MEGF9: variants seen among roughly 807,000 people sequenced by gnomAD.
The protein encoded by MEGF9 is multiple epidermal growth factor-like domains protein 9.
MEGF9 carries 6 observed loss-of-function variants against 46.8 expected under a neutral mutation model. The ratio of observed to expected loss-of-function variants is 0.13; its 90% CI spans 0.07 to 0.25. The LOEUF (loss-of-function observed/expected upper bound fraction) is 0.25, where lower values mean the gene tolerates loss of function less well. Among genes scored for constraint, MEGF9 ranks in the 10% least tolerant of loss-of-function variants. MEGF9 has a pLI of 1.00. For missense variants in MEGF9, 683 were observed against 792.4 expected (o/e 0.86, Z 1.66); for synonymous variants, 302 against 330.7 (o/e 0.91, Z 0.94).
At chr9:120,630,504 C>A (rs2043545877) in intron 2 of MEGF9, among the ~76,000 whole-genome samples, 2 of 152,196 alleles carry the variant, frequency 1.3e-5, no homozygotes, top group Non-Finnish European at 2.9e-5. Flanking sequence ...ATACTAACTT[C>A]CTTTCCTATA....
Position 120,605,693 on chromosome 9 carries a change from G to A in MEGF9, c.1358-52C>T. 1 of 1,336,188 alleles carries A rather than the reference G, an allele frequency of 7.5e-7. No individual in the cohort carries two copies. The highest frequency in any genetic ancestry group is 2.5e-5 in the East Asian group (1 of 39,790). 82.8% of individuals were successfully genotyped at this position (1,336,188 alleles called of 1,614,324 possible). On this transcript the variant is annotated intron_variant, in intron 5 of 5. Coordinates refer to ENST00000373930, the MANE Select transcript of MEGF9 (RefSeq NM_001080497.3). The surrounding 1 kb of genome is among the most constrained non-coding windows in gnomAD (Gnocchi z 4.0). ...GTAAAAGACAAAATTATCTAGTTTT[G>A]AGAAACAATAAAAGAAATACGCATG...
intron 1 of MEGF9, among the ~76,000 whole-genome samples, chr9:120,703,211 T>C (rs957235894): frequency 6.6e-6 from 1 of 152,238 alleles, no homozygotes; most frequent in African/African-American, 2.4e-5. Context: ...AAGAAAGGCA[T>C]GATTACATTA....
Position 120,602,879 on chromosome 9 carries a change from C to T in MEGF9, c.*2311G>A, listed in dbSNP as rs1045044526. The T allele has an allele frequency of 6.6e-6, 1 of 152,106 alleles. No individual in the cohort carries two copies. The highest frequency in any genetic ancestry group is 1.5e-5 in the Non-Finnish European group (1 of 68,020). The allele number at this position is 152,106 out of a possible 1,614,324, so 9.4% of individuals were successfully genotyped here. On this transcript the variant is annotated 3_prime_UTR_variant, in exon 6 of 6. Transcript: ENST00000373930. Reference sequence around the variant, plus strand: ...CAACTGCTAGGGAAAGCAAATTTTCCCTTCCTGCTTGGAGAGATGAGTTCA... The same window carrying T: ...CAACTGCTAGGGAAAGCAAATTTTCTCTTCCTGCTTGGAGAGATGAGTTCA...
intron 1 of MEGF9, among the ~76,000 whole-genome samples, chr9:120,661,524 T>C (rs1018605967): frequency 1.3e-5 from 2 of 152,068 alleles, no homozygotes; most frequent in Admixed American, 6.6e-5. Flanking sequence ...TCATAAAAAA[T>C]AATTAACGTA....
At chr9:120,703,264 T>C (rs964117040) in intron 1 of MEGF9, among the ~76,000 whole-genome samples, 1 of 152,248 alleles carries the variant, frequency 6.6e-6, no homozygotes, top group Non-Finnish European at 1.5e-5. Flanking sequence ...ACCTACAAAC[T>C]GTTCCTTCTT....
At chr9:120,625,883 A>G (rs1264384587) in intron 2 of MEGF9, among the ~76,000 whole-genome samples, 2 of 151,838 alleles carry the variant, frequency 1.3e-5, no homozygotes, top group East Asian at 3.8e-4. Flanking sequence ...CTCAGCAAAT[A>G]TAAAGCTTTG....
intron 1 of MEGF9, among the ~76,000 whole-genome samples, chr9:120,684,857 G>T (rs550048683): frequency 2.0e-5 from 3 of 148,848 alleles, no homozygotes; most frequent in Admixed American, 2.0e-4. Context: ...TTTTTGAGAC[G>T]GAGTCTCGCT....
intron 1 of MEGF9, among the ~76,000 whole-genome samples, chr9:120,689,723 A>T (rs1332169066): frequency 6.6e-6 from 1 of 152,102 alleles, no homozygotes; most frequent in Non-Finnish European, 1.5e-5. Context: ...ATGAATTATC[A>T]TTGTCTCTTA....
At chr9:120,704,145 C>T (rs1168356570) in intron 1 of MEGF9, among the ~76,000 whole-genome samples, 1 of 151,942 alleles carries the variant, frequency 6.6e-6, no homozygotes, top group Non-Finnish European at 1.5e-5. Context: ...ACCAACCTGG[C>T]CAACATGGCA....
At position 120,629,843 on chromosome 9, in the gene MEGF9, G is replaced by A. The variant is rs567719478; in HGVS notation, c.804-7088C>T. ...AGCTACTCGGGAGGCTGAGGCAGGC[G>A]AATTGCTTGAACCTGGCAGGTGGAG... On this transcript the variant is annotated intron_variant, in intron 2 of 5. Coordinates refer to ENST00000373930, the MANE Select transcript of MEGF9 (RefSeq NM_001080497.3). Among the ~76,000 whole-genome samples, 34 of 151,714 alleles carry A rather than the reference G, an allele frequency of 2.2e-4. 1 individual carries two copies. Among genetic ancestry groups the A allele is most frequent in the Admixed American group, 5.2e-4 (8 of 15,254 alleles).
intron 1 of MEGF9, among the ~76,000 whole-genome samples, chr9:120,677,042 GA>G (rs2043776143): frequency 6.6e-6 from 1 of 152,124 alleles, no homozygotes; most frequent in Non-Finnish European, 1.5e-5. Context: ...AAAAGAAGGG[GA>G]GGAGATAAGG....
At chr9:120,659,721 T>C in intron 1 of MEGF9, 146 bp from the exon 2 acceptor site, 1 of 698,358 alleles carries the variant, frequency 1.4e-6, no homozygotes, top group Non-Finnish European at 2.3e-6. Context: ...ATTTACTTTC[T>C]ATCCCGTTTA....
chr9:120,605,451 G>T lies in MEGF9; in HGVS notation c.1548C>A (p.Ile516=), dbSNP rs1002262754. Residue 516 remains isoleucine, a synonymous_variant, in exon 6 of 6, where the codon ATC becomes ATA. Transcript: ENST00000373930. This position sits in a 1 kb window ranked among gnomAD's most constrained non-coding sequence, Gnocchi z 4.0. ...ADVSWTQFNI[I]ILTVIIIVVV... ...CAACAATGATGATGACTGTCAAAATGATGATGTTAAATTGGGTCCATGATA... is the reference window on the plus strand; with the variant it reads ...CAACAATGATGATGACTGTCAAAATTATGATGTTAAATTGGGTCCATGATA... 6 of 1,614,052 alleles carry T rather than the reference G, an allele frequency of 3.7e-6. No individual in the cohort carries two copies. Among genetic ancestry groups the T allele is most frequent in the Middle Eastern group, 1.6e-4 (1 of 6,062 alleles).
At position 120,629,539 on chromosome 9, in the gene MEGF9, G is replaced by A. The variant is rs148856590; in HGVS notation, c.804-6784C>T. Among the ~76,000 whole-genome samples, 617 of 152,334 alleles carry A rather than the reference G, an allele frequency of 4.1e-3. 4 individuals carry two copies. The highest frequency in any genetic ancestry group is 6.7e-3 in the Non-Finnish European group (456 of 68,022). On this transcript the variant is annotated intron_variant, in intron 2 of 5. Transcript: ENST00000373930. ...TGTAATTCCAGCTACTCGGGAGGCT[G>A]AGGCATGAGACTTGCTTGAATCTGG...
rs927162882 is a variant in MEGF9 at position 120,651,367 on chromosome 9, C to T, written c.803+8007G>A. ...ATCTGAGATTTTGAGAAAGGCTGTA[C>T]CAGCATAGTGGATAGGAGTATATAC... On this transcript the variant is annotated intron_variant, in intron 2 of 5. Transcript: ENST00000373930. Among the ~76,000 whole-genome samples, 23 of 152,290 alleles carry T rather than the reference C, an allele frequency of 1.5e-4. 1 individual carries two copies. Among genetic ancestry groups the T allele is most frequent in the African/African-American group, 5.1e-4 (21 of 41,552 alleles).
chr9:120,700,934 A>AATC (rs1234803867), intron 1 of MEGF9, among the ~76,000 whole-genome samples: 1 of 151,020 alleles, frequency 6.6e-6, no homozygotes, highest in Non-Finnish European at 1.5e-5. Context: ...TAATAATAAT[A>AATC]ATAATAATTA....
chr9:120,675,904 A>C (rs2043771355), intron 1 of MEGF9, among the ~76,000 whole-genome samples: 1 of 151,438 alleles, frequency 6.6e-6, no homozygotes, highest in African/African-American at 2.4e-5. Flanking sequence ...AAAAAAAAAA[A>C]AAAAAACAAC....
intron 2 of MEGF9, among the ~76,000 whole-genome samples, chr9:120,658,977 A>G (rs1215533651): frequency 6.6e-6 from 1 of 152,220 alleles, no homozygotes; most frequent in Non-Finnish European, 1.5e-5. Context: ...GATTAGAGAG[A>G]AAAATAAACC....
chr9:120,673,224 A>C (rs2043757997), intron 1 of MEGF9, among the ~76,000 whole-genome samples: 1 of 152,208 alleles, frequency 6.6e-6, no homozygotes, highest in Admixed American at 6.5e-5. Context: ...AAAAGAAACA[A>C]AAAGATCTAA....
Sources: allele counts gnomAD v4.1 joint callset (sites outside exome capture counted in the v4.1 genomes callset), GRCh38; gene constraint gnomAD v4.1.1; non-coding constraint Gnocchi (gnomAD v3.1); transcripts MANE v1.5; gene names NCBI Gene and HGNC (gene_info 2026-07-23, HGNC 2026-07-21).